ZC3H12B: variants seen among roughly 807,000 people sequenced by gnomAD.
The protein encoded by ZC3H12B is zinc finger CCCH-type containing 12B.
A neutral mutation model predicts 43.9 loss-of-function variants in ZC3H12B; 7 were observed. The ratio of observed to expected loss-of-function variants is 0.16; its 90% CI spans 0.09 to 0.30. ZC3H12B has a LOEUF of 0.30. Ranked by LOEUF, ZC3H12B falls within the 10% of genes least tolerant of loss-of-function variation. ZC3H12B has a pLI of 1.00. For synonymous variants in ZC3H12B, 222 were observed against 241.7 expected, an observed-to-expected ratio of 0.92 and a Z score of 0.76; for missense variants, 475 against 670.2, an observed-to-expected ratio of 0.71 and a Z score of 3.22.
At chrX:65,219,330 A>C in the ZC3H12B span, among the ~76,000 whole-genome samples, 4 of 112,188 alleles carry the variant, frequency 3.6e-5, no homozygotes, top group Admixed American at 3.8e-4. Flanking sequence ...TTGCCAAAAA[A>C]AGAATTCAGA....
At chrX:65,471,180 A>C (rs2067907124) in intron 3 of ZC3H12B, among the ~76,000 whole-genome samples, 1 of 111,289 alleles carries the variant, frequency 9.0e-6, no homozygotes, top group South Asian at 3.8e-4. Flanking sequence ...AAGTCTATTC[A>C]TTGATTTATA....
At chrX:65,067,996 G>T in the ZC3H12B span, among the ~76,000 whole-genome samples, 7 of 109,357 alleles carry the variant, frequency 6.4e-5, no homozygotes. Flanking sequence ...ATTGACCACT[G>T]GTCATTCAGT....
At chrX:65,126,384 G>A in the ZC3H12B span, among the ~76,000 whole-genome samples, 3 of 111,098 alleles carry the variant, frequency 2.7e-5, no homozygotes, top group African/African-American at 9.8e-5. Flanking sequence ...CTCTTTAATA[G>A]GTTACCTGTT....
intron 2 of ZC3H12B, among the ~76,000 whole-genome samples, chrX:65,379,027 G>T (rs996801483): frequency 2.7e-5 from 3 of 112,312 alleles, no homozygotes; most frequent in African/African-American, 9.7e-5. Flanking sequence ...AGCGAGGCTA[G>T]GGGAGGGGTG....
At chrX:65,158,042 G>A in the ZC3H12B span, among the ~76,000 whole-genome samples, 8 of 105,010 alleles carry the variant, frequency 7.6e-5, no homozygotes, top group South Asian at 4.6e-4. Context: ...TTGCCCTTGC[G>A]AAAGTTTACT....
At chrX:65,151,128 A>G in the ZC3H12B span, among the ~76,000 whole-genome samples, 5 of 112,188 alleles carry the variant, frequency 4.5e-5, no homozygotes, top group Non-Finnish European at 9.4e-5. Flanking sequence ...TTTGTTCAAG[A>G]TTTCTATGTC....
upstream of ZC3H12B, among the ~76,000 whole-genome samples, chrX:65,488,255 G>A (rs1221782187): frequency 9.0e-6 from 1 of 110,731 alleles, no homozygotes; most frequent in Non-Finnish European, 1.9e-5. Context: ...CAGAAAGGAA[G>A]AAAGAGAGTC....
exon 5 of ZC3H12B, chrX:65,504,138 T>C (rs1195300101): frequency 8.9e-6 from 1 of 112,404 alleles, no homozygotes; most frequent in Non-Finnish European, 1.9e-5. Flanking sequence ...CATTGAAGCT[T>C]CTAGAACTAT....
chrX:65,065,942 G>T, the ZC3H12B span, among the ~76,000 whole-genome samples: 1 of 104,926 alleles, frequency 9.5e-6, no homozygotes, highest in South Asian at 4.5e-4. Flanking sequence ...TTTGGCTATT[G>T]ATACTTGTGC....
the ZC3H12B span, among the ~76,000 whole-genome samples, chrX:65,080,864 A>C: frequency 8.9e-6 from 1 of 111,839 alleles, no homozygotes; most frequent in African/African-American, 3.2e-5. Context: ...TAAACTACTC[A>C]TATCTTAAGT....
At chrX:65,501,711 C>T (rs1227785700) in intron 4 of ZC3H12B, 78 bp from the exon 10 acceptor site, 5 of 997,805 alleles carry the variant, frequency 5.0e-6, no homozygotes, top group South Asian at 5.1e-5. Flanking sequence ...ACCTGAGTGA[C>T]CAGATTGTTA....
intron 2 of ZC3H12B, among the ~76,000 whole-genome samples, chrX:65,385,560 G>T (rs1193834234): frequency 8.9e-6 from 1 of 111,942 alleles, no homozygotes; most frequent in African/African-American, 3.2e-5. Context: ...CTGAGATGAT[G>T]GGGTTTTCTA....
intron 3 of ZC3H12B, among the ~76,000 whole-genome samples, chrX:65,432,555 C>T (rs2067174947): frequency 8.9e-6 from 1 of 111,853 alleles, no homozygotes; most frequent in Non-Finnish European, 1.9e-5. Context: ...GAACCTTCTC[C>T]TGTTCTGGGC....
At chrX:65,323,241 G>T in the ZC3H12B span, among the ~76,000 whole-genome samples, 1 of 111,919 alleles carries the variant, frequency 8.9e-6, no homozygotes, top group Non-Finnish European at 1.9e-5. Flanking sequence ...AGATAAAAGG[G>T]TTTTAATTTC....
the ZC3H12B span, among the ~76,000 whole-genome samples, chrX:65,171,918 C>G: frequency 9.0e-6 from 1 of 111,443 alleles, no homozygotes; most frequent in Non-Finnish European, 1.9e-5. Flanking sequence ...GGGAATATCC[C>G]AATTTTCGAG....
the ZC3H12B span, among the ~76,000 whole-genome samples, chrX:65,200,527 G>A: frequency 7.2e-4 from 74 of 102,572 alleles, 1 homozygote; most frequent in East Asian, 0.021. Context: ...CCACCTCCTA[G>A]GTTCAAGCGA....
chrX:65,128,890 CTTG>C, the ZC3H12B span, among the ~76,000 whole-genome samples: 1 of 111,406 alleles, frequency 9.0e-6, no homozygotes, highest in South Asian at 3.7e-4. Context: ...TTAAGGTTTG[CTTG>C]TTGTATCTTT....
At chrX:65,382,580 A>G (rs1469404411) in intron 2 of ZC3H12B, among the ~76,000 whole-genome samples, 7 of 111,658 alleles carry the variant, frequency 6.3e-5, no homozygotes, top group Non-Finnish European at 1.1e-4. Context: ...CCTATTCAGC[A>G]TAGTATTGGA....
chrX:65,405,528 G>C (rs2066811375), intron 3 of ZC3H12B, among the ~76,000 whole-genome samples: 1 of 111,301 alleles, frequency 9.0e-6, no homozygotes, highest in Admixed American at 9.5e-5. Flanking sequence ...GCTGAGGCAA[G>C]AGAATCACTC....
Sources: gnomAD v4.1 joint callset for allele counts (sites outside exome capture counted in the v4.1 genomes callset) on GRCh38, gnomAD v4.1.1 for gene constraint, MANE v1.5 for transcripts, NCBI Gene and HGNC (gene_info 2026-07-23, HGNC 2026-07-21) for gene names.